Variants in UGT1A6 observed in about 807,000 individuals in gnomAD.
UGT1A6 encodes UDP glucuronosyltransferase family 1 member A6.
A neutral mutation model predicts 44.4 loss-of-function variants in UGT1A6; 32 were observed. The observed-to-expected ratio is 0.72, with a 90% CI of 0.54 to 0.97. UGT1A6 has a LOEUF of 0.97. Ranked by LOEUF, UGT1A6 falls within the 50% of genes least tolerant of loss-of-function variation. The pLI, the probability that UGT1A6 is intolerant of heterozygous loss-of-function variation, is 0.00. For synonymous variants in UGT1A6, 238 were observed against 248.5 expected (o/e 0.96, Z 0.40); for missense variants, 685 against 661.9 (o/e 1.03, Z -0.38).
chr2:233,698,203 C>T (rs1223732655), intron 1 of UGT1A6, among the ~76,000 whole-genome samples: 1 of 152,214 alleles, frequency 6.6e-6, no homozygotes, highest in South Asian at 2.1e-4. Context: ...TCAACATGCA[C>T]TTTTAATTAT....
intron 1 of UGT1A6, among the ~76,000 whole-genome samples, chr2:233,748,366 G>A (rs1693927110): frequency 1.3e-5 from 2 of 151,774 alleles, no homozygotes; most frequent in Admixed American, 1.3e-4. Context: ...CCATCTTCAT[G>A]GTTGTGCATG....
chr2:233,719,175 A>C, intron 1 of UGT1A6: 7 of 1,614,246 alleles, frequency 4.3e-6, no homozygotes, highest in Non-Finnish European at 5.1e-6. Flanking sequence ...AATTATGAAC[A>C]ATGTATCTTT....
chr2:233,724,332 G>A (rs1575552340), intron 1 of UGT1A6, among the ~76,000 whole-genome samples: 1 of 147,638 alleles, frequency 6.8e-6, no homozygotes, highest in Admixed American at 6.7e-5. Context: ...TGGCCAGGCG[G>A]GGGGCTGACC....
intron 1 of UGT1A6, among the ~76,000 whole-genome samples, chr2:233,709,056 C>T (rs1379760396): frequency 3.9e-5 from 6 of 152,080 alleles, no homozygotes; most frequent in Admixed American, 1.3e-4. Context: ...CCCAGGATTC[C>T]TAGTTAAAGT....
intron 1 of UGT1A6, among the ~76,000 whole-genome samples, chr2:233,699,729 G>A (rs1012427185): frequency 1.3e-5 from 2 of 152,116 alleles, no homozygotes; most frequent in African/African-American, 4.8e-5. Context: ...TTTACGGAGC[G>A]TTTTCCCAGA....
At chr2:233,713,103 G>A (rs1256796601) in intron 1 of UGT1A6, 42 of 1,614,068 alleles carry the variant, frequency 2.6e-5, no homozygotes, top group Non-Finnish European at 3.4e-5. Flanking sequence ...GCCCACTGAT[G>A]GCAGCCACTG....
In UGT1A6 at chr2:233,693,825, T is replaced by C. The variant is rs753049061; in HGVS notation, c.821T>C (p.Ile274Thr). ...PRPVMPNMVFIGGINCKKRKD... is the reference protein window; with the variant it reads ...PRPVMPNMVFTGGINCKKRKD... ...CCGGTCATGCCCAACATGGTCTTCA[T>C]TGGAGGTATCAACTGTAAGAAGAGG... The change falls in exon 1 of 5, where the codon ATT (isoleucine) becomes ACT (threonine). Residue 274 changes from isoleucine to threonine, a missense_variant. Transcript: ENST00000305139. 3.5e-5 allele frequency: 57 copies of C among 1,614,084 alleles called. No homozygotes were observed. In the Admixed American group the frequency reaches 7.7e-4, roughly 22 times the overall value.
At chr2:233,707,112 T>C (rs542800224) in intron 1 of UGT1A6, among the ~76,000 whole-genome samples, 1 of 152,242 alleles carries the variant, frequency 6.6e-6, no homozygotes, top group South Asian at 2.1e-4. Context: ...ACCCCCAAAA[T>C]ACTCTGCATT....
In UGT1A6 at chr2:233,724,875, G is replaced by T. The variant is rs4622712; in HGVS notation, c.861+31010G>T. Among the ~76,000 whole-genome samples, 5 of 115,660 alleles carry T rather than the reference G, an allele frequency of 4.3e-5. 1 individual carries two copies. The highest frequency in any genetic ancestry group is 3.3e-4 in the South Asian group (1 of 3,000). The allele number at this position is 115,660 out of a possible 152,430, so 75.9% of individuals were successfully genotyped here. The stretch of plus-strand genomic sequence containing the variant: ...CTGGGAGGTGTAGGTTGTAGTGAGC[G>T]GAGATCACGCCACTGCACTCCAGCC... On this transcript the variant is annotated intron_variant, in intron 1 of 4. Coordinates refer to ENST00000305139, the MANE Select transcript of UGT1A6 (RefSeq NM_001072.4).
At chr2:233,743,088 A>T (rs942184123) in intron 1 of UGT1A6, 6 of 346,134 alleles carry the variant, frequency 1.7e-5, no homozygotes, top group African/African-American at 1.3e-4. Context: ...AGTGTTTATA[A>T]ATTCTTGGGT....
intron 1 of UGT1A6, chr2:233,743,754 C>A (rs547258685): frequency 7.3e-7 from 1 of 1,367,378 alleles, no homozygotes; most frequent in Admixed American, 1.9e-5. Flanking sequence ...TCCGACAACA[C>A]CTCGTAGGCC....
chr2:233,701,601 A>T, intron 1 of UGT1A6, among the ~76,000 whole-genome samples: 1 of 152,142 alleles, frequency 6.6e-6, no homozygotes, highest in Non-Finnish European at 1.5e-5. Context: ...GAAGTAAAGC[A>T]CTCCTCAGCA....
At chr2:233,699,780 G>A (rs2075523422) in intron 1 of UGT1A6, among the ~76,000 whole-genome samples, 1 of 152,284 alleles carries the variant, frequency 6.6e-6, no homozygotes, top group South Asian at 2.1e-4. Flanking sequence ...CTGTTCCCAA[G>A]TTTCCTCCTC....
In UGT1A6 at chr2:233,730,352, T is replaced by A. The variant is rs190569786; in HGVS notation, c.861+36487T>A. On this transcript the variant is annotated intron_variant, in intron 1 of 4. Coordinates refer to ENST00000305139, the MANE Select transcript of UGT1A6 (RefSeq NM_001072.4). ...ACGTTTGGAACTGATCCATCCTGGA[T>A]TTTTTGCTAGCATGATTTTCAGGGG... 3.3e-5 allele frequency among the ~76,000 whole-genome samples: 5 copies of A among 152,298 alleles called. No homozygotes were observed. The East Asian group carries it at 9.6e-4, about 29-fold the overall frequency.
Position 233,749,147 on chromosome 2 carries a change from T to C in UGT1A6, c.862-17887T>C, listed in dbSNP as rs149958207. ...TTCACTGAATGCATATGAACTTCCA[T>C]GACTTGATCCTTTTGTATTTTTATT... On this transcript the variant is annotated intron_variant, in intron 1 of 4. Transcript: ENST00000305139. Among the ~76,000 whole-genome samples, 47 of 152,004 alleles carry C rather than the reference T, an allele frequency of 3.1e-4. 1 individual carries two copies. Among genetic ancestry groups the C allele is most frequent in the African/African-American group, 9.9e-4 (41 of 41,258 alleles).
intron 1 of UGT1A6, among the ~76,000 whole-genome samples, chr2:233,715,395 T>C (rs1475144690): frequency 6.6e-6 from 1 of 152,246 alleles, no homozygotes. Context: ...TATCATTAAA[T>C]AATAATCCTT....
intron 1 of UGT1A6, among the ~76,000 whole-genome samples, chr2:233,700,703 TG>T (rs1389995736): frequency 6.6e-6 from 1 of 152,072 alleles, no homozygotes; most frequent in Non-Finnish European, 1.5e-5. Context: ...ACACTTTGAA[TG>T]TTTTTTTCTT....
chr2:233,747,159 A>G lies in UGT1A6; in HGVS notation c.862-19875A>G, dbSNP rs145059616. 5.9e-5 allele frequency: 94 copies of G among 1,584,988 alleles called. 3 individuals carry two copies. The African/African-American group carries it at 1.2e-3, about 20-fold the overall frequency. Reference sequence around the variant, plus strand: ...CAAGGTAATTAAGATGAAGAAAACAAATGTAGGAGGCACAGCGTGGGGTGG... The same window carrying G: ...CAAGGTAATTAAGATGAAGAAAACAGATGTAGGAGGCACAGCGTGGGGTGG... On this transcript the variant is annotated intron_variant, in intron 1 of 4. Coordinates refer to ENST00000305139, the MANE Select transcript of UGT1A6 (RefSeq NM_001072.4).
At chr2:233,762,613 G>C (rs1698113480) in intron 1 of UGT1A6, among the ~76,000 whole-genome samples, 2 of 152,034 alleles carry the variant, frequency 1.3e-5, no homozygotes, top group South Asian at 4.1e-4. Flanking sequence ...GAGTTTTGTT[G>C]TTGTGACCTC....
Sources: allele counts gnomAD v4.1 joint callset (sites outside exome capture counted in the v4.1 genomes callset), GRCh38; gene constraint gnomAD v4.1.1; transcripts MANE v1.5; gene names NCBI Gene and HGNC (gene_info 2026-07-23, HGNC 2026-07-21).